Variants in AKAP6 observed in about 807,000 individuals in gnomAD.
AKAP6 encodes the protein A-kinase anchor protein 6.
Under a neutral mutation model 188.5 loss-of-function variants are expected in AKAP6, and 58 were observed. The observed-to-expected ratio is 0.31, with a 90% CI of 0.25 to 0.38. The LOEUF is 0.38. Among genes scored for constraint, AKAP6 ranks in the 10% least tolerant of loss-of-function variants. The pLI is 1.00. For missense variants in AKAP6, 2,710 were observed against 2,740.0 expected (o/e 0.99, Z 0.24); for synonymous variants, 989 against 998.6 (o/e 0.99, Z 0.18).
chr14:32,822,709 A>T lies in AKAP6; in HGVS notation c.4896A>T (p.Thr1632=). 3 of 1,614,002 alleles carry T rather than the reference A, an allele frequency of 1.9e-6. No homozygotes were observed. Among genetic ancestry groups the T allele is most frequent in the Non-Finnish European group, 2.5e-6 (3 of 1,179,946 alleles). ...SGSVGELSKR[T]LDLLNRLENI... ...CAGTTGGTGAACTAAGTAAAAGAAC[A>T]TTAGATCTCCTGAATCGTTTGGAGA... is the stretch of plus-strand genomic sequence containing the variant. The change falls in exon 13 of 14, where the codon ACA becomes ACT. Residue 1632 remains threonine (T), a synonymous_variant. Coordinates refer to ENST00000280979, the MANE Select transcript of AKAP6 (RefSeq NM_004274.5).
At chr14:32,657,156 A>C (rs1207364492) in intron 7 of AKAP6, among the ~76,000 whole-genome samples, 1 of 152,170 alleles carries the variant, frequency 6.6e-6, no homozygotes, top group Non-Finnish European at 1.5e-5. Context: ...CCTGGCTCTG[A>C]TTTGACATAG....
intron 1 of AKAP6, among the ~76,000 whole-genome samples, chr14:32,330,143 G>A (rs1177607143): frequency 6.6e-6 from 1 of 151,994 alleles, no homozygotes; most frequent in Non-Finnish European, 1.5e-5. Context: ...TCCTCTCTGC[G>A]GCAGTTGCAG....
intron 2 of AKAP6, among the ~76,000 whole-genome samples, chr14:32,448,328 C>T (rs1890826891): frequency 6.6e-6 from 1 of 152,138 alleles, no homozygotes. Flanking sequence ...GCCTTGATCC[C>T]CAATCTATTC....
At chr14:32,538,238 A>C (rs1046651090) in intron 3 of AKAP6, among the ~76,000 whole-genome samples, 2 of 152,202 alleles carry the variant, frequency 1.3e-5, no homozygotes, top group African/African-American at 4.8e-5. Context: ...GGAATTGTAA[A>C]AAGCAGGAAG....
chr14:32,706,555 G>A (rs1227434486), intron 9 of AKAP6, among the ~76,000 whole-genome samples: 2 of 152,158 alleles, frequency 1.3e-5, no homozygotes, highest in Non-Finnish European at 2.9e-5. Context: ...TCCCCATGGA[G>A]AGATGCTCTA....
intron 1 of AKAP6, among the ~76,000 whole-genome samples, chr14:32,399,414 C>G (rs1423963956): frequency 3.3e-5 from 5 of 152,144 alleles, no homozygotes; most frequent in Non-Finnish European, 5.9e-5. Flanking sequence ...CTCAAATGCT[C>G]TCCCCATACT....
chr14:32,431,826 T>C (rs1890236576), intron 1 of AKAP6, among the ~76,000 whole-genome samples: 1 of 152,208 alleles, frequency 6.6e-6, no homozygotes, highest in Non-Finnish European at 1.5e-5. Context: ...CTCCTCACCA[T>C]TGAATTCAAA....
At chr14:32,480,118 T>C (rs1454094463) in intron 2 of AKAP6, among the ~76,000 whole-genome samples, 1 of 152,176 alleles carries the variant, frequency 6.6e-6, no homozygotes, top group Non-Finnish European at 1.5e-5. Flanking sequence ...TACTAGTCTG[T>C]CTTTGAGGTA....
intron 11 of AKAP6, among the ~76,000 whole-genome samples, chr14:32,741,138 G>A (rs61693948): frequency 6.7e-6 from 1 of 149,842 alleles, no homozygotes; most frequent in Non-Finnish European, 1.5e-5. Flanking sequence ...TTAGGCTATT[G>A]TAAATGGTAT....
At chr14:32,347,631 T>C (rs1482498999) in intron 1 of AKAP6, among the ~76,000 whole-genome samples, 3 of 152,228 alleles carry the variant, frequency 2.0e-5, no homozygotes, top group African/African-American at 7.2e-5. Context: ...GTTTTTCAAT[T>C]TGTGAGTGGG....
chr14:32,572,745 T>C (rs1250943470), intron 4 of AKAP6, among the ~76,000 whole-genome samples: 6 of 152,268 alleles, frequency 3.9e-5, no homozygotes, highest in Non-Finnish European at 4.4e-5. Flanking sequence ...TACATTTGCA[T>C]GTACTTTCAC....
chr14:32,593,397 A>G (rs2139327009), intron 5 of AKAP6, among the ~76,000 whole-genome samples: 1 of 152,322 alleles, frequency 6.6e-6, no homozygotes, highest in South Asian at 2.1e-4. Flanking sequence ...AATGTGAAGC[A>G]GTGGGAAGCT....
At chr14:32,391,372 G>A (rs1888709024) in intron 1 of AKAP6, among the ~76,000 whole-genome samples, 9 of 152,124 alleles carry the variant, frequency 5.9e-5, no homozygotes, top group Admixed American at 4.6e-4. Context: ...TACCAACTGG[G>A]AAATCTTGCA....
At chr14:32,587,836 A>G (rs984528465) in intron 5 of AKAP6, among the ~76,000 whole-genome samples, 2 of 152,194 alleles carry the variant, frequency 1.3e-5, no homozygotes, top group Admixed American at 6.5e-5. Context: ...TATATGGAGC[A>G]GGACCAAGAC....
At chr14:32,781,069 AAAT>A (rs2033234862) in intron 12 of AKAP6, among the ~76,000 whole-genome samples, 1 of 152,120 alleles carries the variant, frequency 6.6e-6, no homozygotes, top group Non-Finnish European at 1.5e-5. Flanking sequence ...AGGAGAAAGA[AAAT>A]AATAAAATCA....
chr14:32,659,668 T>C (rs1888601949), intron 7 of AKAP6, among the ~76,000 whole-genome samples: 3 of 152,158 alleles, frequency 2.0e-5, no homozygotes, highest in Admixed American at 2.0e-4. Context: ...TATGAGCTAA[T>C]GGTACTAACC....
intron 12 of AKAP6, among the ~76,000 whole-genome samples, chr14:32,812,130 G>GA (rs1430112845): frequency 1.3e-5 from 2 of 151,688 alleles, no homozygotes; most frequent in African/African-American, 2.4e-5. Flanking sequence ...GCAATGTCAG[G>GA]AAAAAAAATG....
chr14:32,404,010 G>A (rs1386126045), intron 1 of AKAP6, among the ~76,000 whole-genome samples: 1 of 152,114 alleles, frequency 6.6e-6, no homozygotes, highest in Admixed American at 6.6e-5. Context: ...AAGTTCTCAC[G>A]CTCTGAGGGT....
At position 32,568,238 on chromosome 14, in the gene AKAP6, TAG is replaced by T. The variant is rs367792279; in HGVS notation, c.2347-8874_2347-8873del. ...TGGACTTTGTGGGAACAAATCTGGTTAGAGAGAGAATATAGCACAGTAGTCCA... is the reference window on the plus strand; with the variant it reads ...TGGACTTTGTGGGAACAAATCTGGTTAGAGAGAATATAGCACAGTAGTCCA... On this transcript the variant is annotated intron_variant, in intron 4 of 13. Coordinates refer to ENST00000280979, the MANE Select transcript of AKAP6 (RefSeq NM_004274.5). The surrounding 1 kb of genome is among the most constrained non-coding windows in gnomAD (Gnocchi z 6.2). 6.6e-6 allele frequency among the ~76,000 whole-genome samples: 1 copy of T among 152,240 alleles called. No individual in the cohort carries two copies.
Sources: gnomAD v4.1 joint callset for allele counts (sites outside exome capture counted in the v4.1 genomes callset) on GRCh38, gnomAD v4.1.1 for gene constraint, Gnocchi (gnomAD v3.1) non-coding constraint, MANE v1.5 for transcripts, NCBI Gene and HGNC (gene_info 2026-07-23, HGNC 2026-07-21) for gene names.